LACTB2: variants seen among roughly 807,000 people sequenced by gnomAD.
LACTB2 encodes endoribonuclease LACTB2.
Under a neutral mutation model 34.8 loss-of-function variants are expected in LACTB2, and 32 were observed. That is an observed-to-expected ratio of 0.92 (90% CI 0.69 to 1.24). The LOEUF (loss-of-function observed/expected upper bound fraction) is 1.24. Ranked by LOEUF, LACTB2 falls within the 50% of genes most tolerant of loss-of-function variation. The pLI is 0.00. For synonymous variants in LACTB2, 120 were observed against 117.5 expected (o/e 1.02, Z -0.14); for missense variants, 320 against 345.0 (o/e 0.93, Z 0.57).
At chr8:70,658,754 T>C (rs6987313) in intron 2 of LACTB2, among the ~76,000 whole-genome samples, 61,417 of 151,878 alleles carry the variant, frequency 0.4, 13,958 homozygotes, top group Non-Finnish European at 0.52. Flanking sequence ...AGTCCAGGCG[T>C]GGTGGCTCAC....
In LACTB2 at chr8:70,669,138, G is replaced by T. The variant is rs1586793865; in HGVS notation, c.-18C>A. ...GCAGCCATTCCCGCCTCAGCCGCCC[G>T]CCGGCGTGTCGCCTATCTGGATACT... On this transcript the variant is annotated 5_prime_UTR_variant, in exon 1 of 7. Transcript: ENST00000276590. 6.2e-7 allele frequency: 1 copy of T among 1,611,386 alleles called. No individual in the cohort carries two copies. The highest frequency in any genetic ancestry group is 1.1e-5 in the South Asian group (1 of 90,732).
At chr8:70,649,460 A>G (rs1818310171) in intron 3 of LACTB2, among the ~76,000 whole-genome samples, 1 of 152,224 alleles carries the variant, frequency 6.6e-6, no homozygotes, top group Non-Finnish European at 1.5e-5. Context: ...ATCCAAAATA[A>G]CAAAGCAAAA....
At chr8:70,667,717 G>A (rs1372372289) in intron 1 of LACTB2, among the ~76,000 whole-genome samples, 2 of 152,148 alleles carry the variant, frequency 1.3e-5, no homozygotes, top group African/African-American at 4.8e-5. Context: ...TCTTCACCTG[G>A]TTTTCAAACA....
intron 1 of LACTB2, 34 bp downstream of exon 1, chr8:70,668,965 G>A: frequency 6.4e-7 from 1 of 1,559,576 alleles, no homozygotes; most frequent in Non-Finnish European, 8.7e-7. Flanking sequence ...GGGGCCGGCT[G>A]CGAACGTTGG....
chr8:70,650,735 C>CAAAAAAAAAAAAAAAAAA (rs61025700), intron 3 of LACTB2, among the ~76,000 whole-genome samples: 7 of 46,206 alleles, frequency 1.5e-4, no homozygotes, highest in African/African-American at 3.5e-4. Flanking sequence ...GACTCCATCT[C>CAAAAAAAAAAAAAAAAAA]AAAAAAAAAA....
At chr8:70,655,890 A>G (rs1016719131) in intron 3 of LACTB2, among the ~76,000 whole-genome samples, 1 of 152,164 alleles carries the variant, frequency 6.6e-6, no homozygotes, top group African/African-American at 2.4e-5. Flanking sequence ...GATTATGGCC[A>G]TTCTTGCAGG....
intron 3 of LACTB2, among the ~76,000 whole-genome samples, chr8:70,650,082 A>G (rs902979266): frequency 2.4e-4 from 37 of 152,154 alleles, no homozygotes; most frequent in African/African-American, 8.7e-4. Context: ...TCCTGGCATC[A>G]AGGGATCCTC....
chr8:70,669,142 G>A lies in LACTB2; in HGVS notation c.-22C>T, dbSNP rs371264144. ...CCATTCCCGCCTCAGCCGCCCGCCG[G>A]CGTGTCGCCTATCTGGATACTCCAG... On this transcript the variant is annotated 5_prime_UTR_variant, in exon 1 of 7. Coordinates refer to ENST00000276590, the MANE Select transcript of LACTB2 (RefSeq NM_016027.3). The A allele has an allele frequency of 1.4e-5, 23 of 1,611,438 alleles. No individual in the cohort carries two copies. In the African/African-American group the frequency reaches 2.7e-4, roughly 19 times the overall value.
chr8:70,660,623 T>C, intron 2 of LACTB2: 1 of 456,396 alleles, frequency 2.2e-6, no homozygotes, highest in Non-Finnish European at 4.4e-6. Flanking sequence ...CCACCATCTT[T>C]GCTCCTGCAA....
intron 1 of LACTB2, chr8:70,662,104 T>C (rs2132080433): frequency 2.3e-6 from 1 of 443,608 alleles, no homozygotes; most frequent in Non-Finnish European, 4.0e-6. Flanking sequence ...AATATAAGTC[T>C]GAACAAGGAA....
At chr8:70,652,174 C>T (rs976416135) in intron 3 of LACTB2, among the ~76,000 whole-genome samples, 1 of 151,988 alleles carries the variant, frequency 6.6e-6, no homozygotes, top group African/African-American at 2.4e-5. Context: ...GATCAACTGG[C>T]CAATGAATAC....
chr8:70,660,124 C>CA (rs1818463637), intron 2 of LACTB2: 1 of 141,340 alleles, frequency 7.1e-6, no homozygotes, highest in African/African-American at 2.6e-5. Context: ...TTTTTTTTTT[C>CA]TTTTTTTTTC....
rs758280280 is a variant in LACTB2, at chr8:70,661,758, C to T, written c.262G>A (p.Asp88Asn). Reference protein sequence around the residue: ...WHRDHSGGIGDICKSINNDTT... With the variant: ...WHRDHSGGIGNICKSINNDTT... ...CCATTATTGATGCTTTTACAAATAT[C>T]TCCTATGCCTCCAGAATGATCTCGG... The change falls in exon 2 of 7, where the codon GAT becomes AAT. Residue 88 changes from aspartate to asparagine, a missense_variant. By Grantham distance (23) the Asp-to-Asn change is conservative. Coordinates refer to ENST00000276590, the MANE Select transcript of LACTB2 (RefSeq NM_016027.3). 1.5e-5 allele frequency: 24 copies of T among 1,610,738 alleles called. No individual in the cohort carries two copies. In the South Asian group the frequency reaches 2.6e-4, roughly 17 times the overall value.
chr8:70,638,743 C>T lies in LACTB2; in HGVS notation c.742-114G>A, dbSNP rs1159188255. 7.9e-5 allele frequency: 65 copies of T among 827,986 alleles called. 1 individual carries two copies. Among genetic ancestry groups the T allele is most frequent in the East Asian group, 2.1e-4 (5 of 23,344 alleles). 51.3% of individuals were successfully genotyped at this position (827,986 alleles called of 1,614,324 possible). A position where few individuals can be genotyped will look rare whatever the true frequency, so the allele number is the denominator to read the frequency against. On this transcript the variant is annotated intron_variant, in intron 5 of 6. Transcript: ENST00000276590. The stretch of plus-strand genomic sequence containing the variant: ...ATGTAGCAAAAGTTTATCTTAAACA[C>T]ATTTTTTTTTTTTTTTGAGACAGAG...
At chr8:70,666,911 T>C (rs889215231) in intron 1 of LACTB2, among the ~76,000 whole-genome samples, 5 of 152,064 alleles carry the variant, frequency 3.3e-5, no homozygotes, top group Non-Finnish European at 5.9e-5. Flanking sequence ...CAGCAGTGAG[T>C]CATGCAAATA....
Position 70,668,986 on chromosome 8 carries a change from G to C in LACTB2, c.122+13C>G. ...GGCTGCGAACGTTGGGGAGGTTGGA[G>C]AGGGACGTTTACCTGGGGCCGGTCC... On this transcript the variant is annotated intron_variant, in intron 1 of 6. Transcript: ENST00000276590. 6.4e-7 allele frequency: 1 copy of C among 1,574,746 alleles called. No homozygotes were observed. The highest frequency in any genetic ancestry group is 8.6e-7 in the Non-Finnish European group (1 of 1,160,328).
intron 2 of LACTB2, chr8:70,660,798 C>G (rs755807725): frequency 6.6e-6 from 3 of 454,810 alleles, no homozygotes; most frequent in African/African-American, 2.0e-5. Flanking sequence ...ATTTTTTTCC[C>G]TTTTTTTTTC....
At chr8:70,667,519 C>T (rs933273105) in intron 1 of LACTB2, among the ~76,000 whole-genome samples, 4 of 152,200 alleles carry the variant, frequency 2.6e-5, no homozygotes, top group Admixed American at 6.5e-5. Context: ...CTGGCCATTC[C>T]ACTCCATTAA....
intron 4 of LACTB2, among the ~76,000 whole-genome samples, chr8:70,643,673 C>T (rs1019387144): frequency 1.3e-5 from 2 of 151,886 alleles, no homozygotes; most frequent in African/African-American, 2.4e-5. Context: ...CGCCACCACA[C>T]TCAGCTAATT....
Sources: allele counts gnomAD v4.1 joint callset (sites outside exome capture counted in the v4.1 genomes callset), GRCh38; gene constraint gnomAD v4.1.1; transcripts MANE v1.5; gene names NCBI Gene and HGNC (gene_info 2026-07-23, HGNC 2026-07-21).